ZNF670: variants seen among roughly 807,000 people sequenced by gnomAD.
ZNF670 encodes zinc finger protein 670.
A neutral mutation model predicts 10.9 loss-of-function variants in ZNF670; 7 were observed. The observed-to-expected ratio is 0.64, with a 90% CI of 0.36 to 1.20. The LOEUF is 1.20. Among genes scored for constraint, ZNF670 ranks in the 50% most tolerant of loss-of-function variants. The pLI, the probability that ZNF670 is intolerant of heterozygous loss-of-function variation, is 0.02. For synonymous variants in ZNF670, 136 were observed against 152.7 expected (o/e 0.89, Z 0.81); for missense variants, 446 against 458.6 (o/e 0.97, Z 0.25).
chr1:247,074,011 T>C (rs74765136), intron 1 of ZNF670, among the ~76,000 whole-genome samples: 1 of 152,116 alleles, frequency 6.6e-6, no homozygotes, highest in Non-Finnish European at 1.5e-5. Context: ...ATGGGGTGAG[T>C]AGGTAATCCT....
chr1:247,078,690 TC>T lies in ZNF670; in HGVS notation c.-95del. On this transcript the variant is annotated 5_prime_UTR_variant, in exon 1 of 4. The change abolishes the stop of an existing upstream ORF in the 5' untranslated region. Transcript: ENST00000366503. Reference sequence around the variant, plus strand: ...AAGCTGCCGCGGGACCACTTGGACCTCCCAGGGATAAGGGGAAGGAGCAGCG... The same window carrying T: ...AAGCTGCCGCGGGACCACTTGGACCTCCAGGGATAAGGGGAAGGAGCAGCG... 7.0e-7 allele frequency: 1 copy of T among 1,418,750 alleles called. No individual in the cohort carries two copies. Among genetic ancestry groups the T allele is most frequent in the Non-Finnish European group, 9.9e-7 (1 of 1,013,252 alleles). The allele number at this position is 1,418,750 out of a possible 1,614,324, so 87.9% of individuals were successfully genotyped here. A position where few individuals can be genotyped will look rare whatever the true frequency, so the allele number is the denominator to read the frequency against.
At chr1:247,067,264 C>T (rs898332236) in intron 1 of ZNF670, among the ~76,000 whole-genome samples, 13 of 151,558 alleles carry the variant, frequency 8.6e-5, no homozygotes, top group Non-Finnish European at 1.6e-4. Context: ...GGTGAAACCC[C>T]ATCTCTACTA....
intron 1 of ZNF670, among the ~76,000 whole-genome samples, chr1:247,052,181 C>T (rs1029553699): frequency 6.6e-5 from 10 of 152,038 alleles, no homozygotes; most frequent in African/African-American, 2.4e-4. Context: ...GTCATATTAC[C>T]AGAATTGTTT....
chr1:247,066,375 G>A (rs1670980366), intron 1 of ZNF670, among the ~76,000 whole-genome samples: 1 of 152,124 alleles, frequency 6.6e-6, no homozygotes, highest in South Asian at 2.1e-4. Context: ...AGCTGCGGGA[G>A]ATCCTACAGC....
Position 247,078,629 on chromosome 1 carries a change from AGGACCTTCCG to A in ZNF670, c.-43_-34del. The A allele has an allele frequency of 6.2e-7, 1 of 1,613,014 alleles. No individual in the cohort carries two copies. The highest frequency in any genetic ancestry group is 8.5e-7 in the Non-Finnish European group (1 of 1,179,466). Reference sequence around the variant, plus strand: ...TCTCCGGTGTCTGGGGTCCTCCCTAAGGACCTTCCGGGACCTGCAGGTCCCAGAGCAACAG... The same window carrying A: ...TCTCCGGTGTCTGGGGTCCTCCCTAAGGACCTGCAGGTCCCAGAGCAACAG... On this transcript the variant is annotated 5_prime_UTR_variant, in exon 1 of 4. The change abolishes the stop of an existing upstream ORF in the 5' untranslated region. Coordinates refer to ENST00000366503, the MANE Select transcript of ZNF670 (RefSeq NM_033213.5).
chr1:247,052,116 C>CTGAAGAA (rs1670612253), intron 1 of ZNF670, among the ~76,000 whole-genome samples: 1 of 151,942 alleles, frequency 6.6e-6, no homozygotes, highest in Non-Finnish European at 1.5e-5. Context: ...TCTTAGTTTG[C>CTGAAGAA]ATCCACTGCT....
At chr1:247,055,225 C>G (rs970525430) in intron 1 of ZNF670, among the ~76,000 whole-genome samples, 1 of 152,226 alleles carries the variant, frequency 6.6e-6, no homozygotes. Context: ...TTTGTGGGCA[C>G]GTACATGGTG....
chr1:247,072,602 T>C (rs949693997), intron 1 of ZNF670, among the ~76,000 whole-genome samples: 4 of 151,196 alleles, frequency 2.6e-5, no homozygotes, highest in African/African-American at 9.7e-5. Context: ...CTGGCCAACA[T>C]GGCAAAACCT....
At position 247,039,456 on chromosome 1, in the gene ZNF670, A is replaced by G. The variant is rs1572554837; in HGVS notation, c.85T>C (p.Tyr29His). The G allele has an allele frequency of 2.5e-6, 4 of 1,609,150 alleles. No individual in the cohort carries two copies. Among genetic ancestry groups the G allele is most frequent in the Non-Finnish European group, 3.4e-6 (4 of 1,178,278 alleles). Residue 29 changes from tyrosine to histidine, a missense_variant, in exon 2 of 4, where the codon TAC (tyrosine) becomes CAC (histidine). Tyr to His is a moderately conservative substitution (Grantham distance 83, BLOSUM62 2). Transcript: ENST00000366503. ...AAGATTTCTTGCATCACATCTCTGT[A>G]GAGATTCTTTTGAGAAGGATCCAGC... ...ALLDPSQKNL[Y>H]RDVMQEIFRN... is the part of the protein sequence containing the mutation.
At chr1:247,065,842 C>T (rs1306626387) in intron 1 of ZNF670, among the ~76,000 whole-genome samples, 1 of 152,204 alleles carries the variant, frequency 6.6e-6, no homozygotes, top group Admixed American at 6.5e-5. Context: ...TTTATCCATA[C>T]ATTCCACTGG....
chr1:247,062,396 A>G (rs902658654), intron 1 of ZNF670, among the ~76,000 whole-genome samples: 9 of 152,334 alleles, frequency 5.9e-5, no homozygotes, highest in African/African-American at 1.9e-4. Flanking sequence ...ATAAAACTAA[A>G]TATTTAAATT....
chr1:247,038,530 A>C, intron 3 of ZNF670, 103 bp from the exon 4 acceptor site: 1 of 1,227,470 alleles, frequency 8.1e-7, no homozygotes, highest in Admixed American at 2.5e-5. Flanking sequence ...AAATTGTTTT[A>C]AAGTAAATAA....
At chr1:247,072,804 G>GTGTATATATATATATATATA (rs1484895671) in intron 1 of ZNF670, among the ~76,000 whole-genome samples, 1 of 47,654 alleles carries the variant, frequency 2.1e-5, no homozygotes, top group Non-Finnish European at 3.6e-5. Context: ...AAAAGTGTGT[G>GTGTATATATATATATATATA]TATATATATA....
At chr1:247,049,025 A>C (rs114884897) in intron 1 of ZNF670, among the ~76,000 whole-genome samples, 3,062 of 152,120 alleles carry the variant, frequency 0.02, 119 homozygotes, top group African/African-American at 0.07. Context: ...TTGTGCACAT[A>C]AAGTTGTTGA....
chr1:247,063,751 C>T lies in ZNF670; in HGVS notation c.3+14843G>A, dbSNP rs147398342. On this transcript the variant is annotated intron_variant, in intron 1 of 3. Transcript: ENST00000366503. ...GGAGAAAGGAGAACCAGTGACCCCA[C>T]GGACCACAACTACCCCTCCACACAA... Among the ~76,000 whole-genome samples the T allele has an allele frequency of 2.7e-3, 404 of 152,100 alleles. 2 individuals are homozygous for T. Among genetic ancestry groups the T allele is most frequent in the African/African-American group, 9.3e-3 (387 of 41,540 alleles).
rs144964716 is a variant in ZNF670 at position 247,067,306 on chromosome 1, G to A, written c.3+11288C>T. On this transcript the variant is annotated intron_variant, in intron 1 of 3. Transcript: ENST00000366503. ...CAAAAATCAGCCGGGCATGGTGGCG[G>A]GTGCCTGTAATCCCACCTACTCAAG... is the stretch of plus-strand genomic sequence containing the variant. 6.1e-3 allele frequency among the ~76,000 whole-genome samples: 930 copies of A among 151,654 alleles called. 6 individuals carry two copies. The highest frequency in any genetic ancestry group is 0.021 in the African/African-American group (871 of 41,292).
At chr1:247,040,488 C>T (rs1670277984) in intron 1 of ZNF670, among the ~76,000 whole-genome samples, 1 of 151,994 alleles carries the variant, frequency 6.6e-6, no homozygotes, top group African/African-American at 2.4e-5. Flanking sequence ...TTATTAGCAA[C>T]TGAAAACTAC....
At position 247,039,353 on chromosome 1, in the gene ZNF670, G is replaced by T. The variant is rs953375167; in HGVS notation, c.130+58C>A. On this transcript the variant is annotated intron_variant, in intron 2 of 3. Transcript: ENST00000366503. ...TGGGATTACAGGTGTGAGCCACCAC[G>T]CCCAGCCAAAACACTTGCGTTGTAA... 14 of 1,575,324 alleles carry T rather than the reference G, an allele frequency of 8.9e-6. No individual in the cohort carries two copies. The African/African-American group carries it at 1.5e-4, about 17-fold the overall frequency.
intron 1 of ZNF670, chr1:247,043,211 C>G: frequency 1.4e-6 from 1 of 708,032 alleles, no homozygotes. Context: ...CCATACGCAT[C>G]ACTAACACAG....
Sources: gnomAD v4.1 joint callset for allele counts (sites outside exome capture counted in the v4.1 genomes callset) on GRCh38, gnomAD v4.1.1 for gene constraint, MANE v1.5 for transcripts, NCBI Gene and HGNC (gene_info 2026-07-23, HGNC 2026-07-21) for gene names.